Variants in TRMT11 observed in about 807,000 individuals in gnomAD.
TRMT11 encodes the protein tRNA (guanine(10)-N(2))-methyltransferase TRMT11.
Under a neutral mutation model 62.8 loss-of-function variants are expected in TRMT11, and 53 were observed. That is an observed-to-expected ratio of 0.84 (90% confidence interval 0.68 to 1.06). The LOEUF (loss-of-function observed/expected upper bound fraction) is 1.06, where lower values mean the gene tolerates loss of function less well. Among genes scored for constraint, TRMT11 ranks in the 50% least tolerant of loss-of-function variants. The pLI is 0.00. For missense variants in TRMT11, 556 were observed against 553.4 expected, an observed-to-expected ratio of 1.00 and a Z score of -0.05; for synonymous variants, 188 against 190.3, an observed-to-expected ratio of 0.99 and a Z score of 0.10.
chr6:126,171,369 G>C (rs1426778240), intron 21 of TRMT11, among the ~76,000 whole-genome samples: 10 of 152,174 alleles, frequency 6.6e-5, no homozygotes, highest in African/African-American at 1.9e-4. Flanking sequence ...AGTCTTGGGG[G>C]TGGTGGGTGC....
chr6:126,089,441 A>G (rs1338253783), intron 17 of TRMT11, among the ~76,000 whole-genome samples: 1 of 152,012 alleles, frequency 6.6e-6, no homozygotes, highest in Non-Finnish European at 1.5e-5. Context: ...TTATCAGACT[A>G]TTTATTTGAA....
the TRMT11 span, among the ~76,000 whole-genome samples, chr6:126,222,457 TTTTCCA>T: frequency 1.3e-5 from 2 of 152,194 alleles, no homozygotes; most frequent in African/African-American, 2.4e-5. Context: ...TATAGAATGT[TTTTCCA>T]TTTCCATTTC....
intron 17 of TRMT11, among the ~76,000 whole-genome samples, chr6:126,065,548 C>T (rs1156606975): frequency 2.6e-5 from 4 of 152,176 alleles, no homozygotes; most frequent in African/African-American, 7.2e-5. Flanking sequence ...TTCTTGACTC[C>T]TTCATTCATT....
intron 1 of TRMT11, among the ~76,000 whole-genome samples, chr6:126,179,590 T>G (rs1431564504): frequency 1.3e-5 from 2 of 152,154 alleles, no homozygotes; most frequent in Non-Finnish European, 2.9e-5. Flanking sequence ...CCCCAAAGAT[T>G]AACTTGTCAT....
intron 12 of TRMT11, among the ~76,000 whole-genome samples, chr6:126,028,317 A>G (rs148555586): frequency 2.4e-3 from 361 of 152,332 alleles, no homozygotes; most frequent in African/African-American, 8.0e-3. Context: ...GCATGGTGAC[A>G]CTAAAGACGT....
intron 7 of TRMT11, among the ~76,000 whole-genome samples, chr6:126,004,944 A>G (rs768044183): frequency 7.2e-5 from 11 of 152,076 alleles, no homozygotes; most frequent in Non-Finnish European, 1.3e-4. Context: ...CTTTTCTTTC[A>G]ATTTTAACAA....
intron 21 of TRMT11, among the ~76,000 whole-genome samples, chr6:126,125,780 G>A (rs952250439): frequency 4.6e-5 from 7 of 152,044 alleles, no homozygotes; most frequent in Non-Finnish European, 1.0e-4. Context: ...GAATCACAGA[G>A]TTGTCAATTT....
At chr6:126,191,324 C>T (rs1778596604) in intron 1 of TRMT11, among the ~76,000 whole-genome samples, 1 of 151,612 alleles carries the variant, frequency 6.6e-6, no homozygotes, top group Admixed American at 6.6e-5. Flanking sequence ...GAATTGAGTT[C>T]CTCATATATT....
At chr6:126,018,183 C>A (rs1795264853) in intron 11 of TRMT11, among the ~76,000 whole-genome samples, 1 of 152,082 alleles carries the variant, frequency 6.6e-6, no homozygotes, top group South Asian at 2.1e-4. Context: ...TAATAATGTG[C>A]CCCAAAGTAG....
At chr6:126,078,417 G>A (rs918231052) in intron 17 of TRMT11, among the ~76,000 whole-genome samples, 2 of 143,364 alleles carry the variant, frequency 1.4e-5, no homozygotes, top group African/African-American at 5.2e-5. Flanking sequence ...TTTTTGAGTT[G>A]GACTCAGGCA....
rs563688786 is a variant in TRMT11, at chr6:126,028,690, G to A, written c.1260+7410G>A. ...GCAAATAAAATGATTTTGTCAAACGGGATTTTTAAAGTTAATGCTATCATA... is the reference window on the plus strand; with the variant it reads ...GCAAATAAAATGATTTTGTCAAACGAGATTTTTAAAGTTAATGCTATCATA... On this transcript the variant is annotated intron_variant, in intron 12 of 12. Transcript: ENST00000334379. Among the ~76,000 whole-genome samples the A allele has an allele frequency of 6.6e-5, 10 of 152,108 alleles. No individual in the cohort carries two copies. The South Asian group carries it at 2.1e-3, about 32-fold the overall frequency.
intron 12 of TRMT11, among the ~76,000 whole-genome samples, chr6:126,034,882 A>G (rs926032691): frequency 3.3e-5 from 5 of 152,126 alleles, no homozygotes; most frequent in Non-Finnish European, 7.4e-5. Flanking sequence ...GTGCTGAAAA[A>G]AAAACAACTT....
chr6:126,029,480 A>G (rs1773798352), intron 12 of TRMT11, among the ~76,000 whole-genome samples: 1 of 152,134 alleles, frequency 6.6e-6, no homozygotes, highest in African/African-American at 2.4e-5. Flanking sequence ...ACCACTATTG[A>G]ATTCATCCCT....
intron 3 of TRMT11, 74 bp downstream of exon 3, chr6:125,996,114 T>C: frequency 1.9e-6 from 2 of 1,059,634 alleles, no homozygotes; most frequent in Non-Finnish European, 2.9e-6. Context: ...TTTTTTGCTA[T>C]ATTGGGCAGT....
intron 12 of TRMT11, among the ~76,000 whole-genome samples, chr6:126,028,837 C>T (rs561466111): frequency 9.9e-5 from 15 of 152,240 alleles, no homozygotes; most frequent in Admixed American, 2.0e-4. Context: ...TTAGAAATAA[C>T]TATTTTATTT....
chr6:126,087,355 A>T (rs796304265), intron 17 of TRMT11, among the ~76,000 whole-genome samples: 10 of 152,364 alleles, frequency 6.6e-5, no homozygotes, highest in African/African-American at 2.4e-4. Flanking sequence ...ACCAAGATTA[A>T]AACCTACTTT....
At chr6:126,241,004 G>A in the TRMT11 span, among the ~76,000 whole-genome samples, 4 of 152,378 alleles carry the variant, frequency 2.6e-5, no homozygotes, top group East Asian at 3.9e-4. Context: ...AGGACCCTCC[G>A]AGCCAGGCAC....
At chr6:126,043,988 C>A (rs1317559876), downstream of TRMT11, among the ~76,000 whole-genome samples, 2 of 150,090 alleles carry the variant, frequency 1.3e-5, no homozygotes, top group African/African-American at 4.9e-5. Flanking sequence ...TGAAAATTTT[C>A]TCCCATTCTG....
intron 11 of TRMT11, among the ~76,000 whole-genome samples, chr6:126,014,439 C>T (rs774203792): frequency 5.3e-5 from 8 of 151,986 alleles, no homozygotes; most frequent in Non-Finnish European, 1.0e-4. Context: ...TTAATAGAGA[C>T]GAGGTTTCAC....
Sources: gnomAD v4.1 joint callset for allele counts (sites outside exome capture counted in the v4.1 genomes callset) on GRCh38, gnomAD v4.1.1 for gene constraint, MANE v1.5 for transcripts, NCBI Gene and HGNC (gene_info 2026-07-23, HGNC 2026-07-21) for gene names.